Variants in LHFPL6 observed in about 807,000 individuals in gnomAD.
The protein encoded by LHFPL6 is LHFPL tetraspan subfamily member 6 protein.
A neutral mutation model predicts 20.6 loss-of-function variants in LHFPL6; 9 were observed. The observed-to-expected ratio is 0.44, with a 90% CI of 0.26 to 0.76. The LOEUF (loss-of-function observed/expected upper bound fraction) is 0.76, where lower values mean the gene tolerates loss of function less well. Among genes scored for constraint, LHFPL6 ranks in the 30% least tolerant of loss-of-function variants. The pLI is 0.20. For missense variants in LHFPL6, 218 were observed against 253.5 expected, an observed-to-expected ratio of 0.86 and a Z score of 0.95; for synonymous variants, 105 against 98.7, an observed-to-expected ratio of 1.06 and a Z score of -0.38.
At chr13:39,396,240 G>C (rs548843760) in intron 2 of LHFPL6, among the ~76,000 whole-genome samples, 90 of 152,180 alleles carry the variant, frequency 5.9e-4, no homozygotes, top group Non-Finnish European at 1.3e-4. Flanking sequence ...TGCTCTACCT[G>C]CTTTCTGATG....
chr13:39,423,995 C>T (rs536959472), intron 2 of LHFPL6, among the ~76,000 whole-genome samples: 2 of 152,174 alleles, frequency 1.3e-5, no homozygotes, highest in Non-Finnish European at 2.9e-5. Flanking sequence ...GCAGGAGCTA[C>T]AGTAAAGGCA....
intron 2 of LHFPL6, among the ~76,000 whole-genome samples, chr13:39,538,230 T>A (rs887609263): frequency 2.6e-5 from 4 of 151,668 alleles, no homozygotes; most frequent in Non-Finnish European, 4.4e-5. Context: ...CCTCAGGTGA[T>A]CTACCCACCT....
intron 2 of LHFPL6, among the ~76,000 whole-genome samples, chr13:39,485,293 A>G (rs1030020145): frequency 2.0e-5 from 3 of 152,214 alleles, no homozygotes; most frequent in African/African-American, 7.2e-5. Flanking sequence ...AGGCATTGTA[A>G]TACTTTCTGA....
At chr13:39,429,506 T>A (rs1279547484) in intron 2 of LHFPL6, among the ~76,000 whole-genome samples, 4 of 152,168 alleles carry the variant, frequency 2.6e-5, no homozygotes, top group African/African-American at 4.8e-5. Context: ...AAATTTAAAG[T>A]GCATTTCTTA....
chr13:39,444,765 G>T (rs1200145059), intron 2 of LHFPL6, among the ~76,000 whole-genome samples: 1 of 152,222 alleles, frequency 6.6e-6, no homozygotes, highest in African/African-American at 2.4e-5. Flanking sequence ...GTTACAGACA[G>T]TCGGGGGCTC....
Position 39,422,665 on chromosome 13 carries a change from T to C in LHFPL6, c.386-44139A>G, listed in dbSNP as rs185831693. Among the ~76,000 whole-genome samples the C allele has an allele frequency of 2.1e-4, 32 of 151,258 alleles. No individual in the cohort carries two copies. The East Asian group carries it at 6.0e-3, about 28-fold the overall frequency. ...CTACAAATTCCTTATAAAAATACAC[T>C]CTTTTATCTGGAAAGTTCTCATGAC... On this transcript the variant is annotated intron_variant, in intron 2 of 3. Coordinates refer to ENST00000379589, the MANE Select transcript of LHFPL6 (RefSeq NM_005780.3).
At chr13:39,534,749 G>T (rs1017120762) in intron 2 of LHFPL6, among the ~76,000 whole-genome samples, 1 of 152,112 alleles carries the variant, frequency 6.6e-6, no homozygotes, top group Non-Finnish European at 1.5e-5. Flanking sequence ...ACCCTTTTAT[G>T]CCTTTATAAT....
chr13:39,506,609 G>T (rs1454925361), intron 2 of LHFPL6, among the ~76,000 whole-genome samples: 2 of 152,044 alleles, frequency 1.3e-5, no homozygotes, highest in Non-Finnish European at 2.9e-5. Flanking sequence ...CCGCCACTCA[G>T]CAGCTTAATC....
intron 2 of LHFPL6, among the ~76,000 whole-genome samples, chr13:39,573,926 T>C (rs1872016418): frequency 6.6e-6 from 1 of 152,206 alleles, no homozygotes; most frequent in South Asian, 2.1e-4. Flanking sequence ...CAGGTTTACA[T>C]ACGGGTCCAA....
chr13:39,489,854 C>G (rs559106981), intron 2 of LHFPL6, among the ~76,000 whole-genome samples: 1 of 152,164 alleles, frequency 6.6e-6, no homozygotes, highest in Admixed American at 6.5e-5. Flanking sequence ...CATGCCTGGC[C>G]TGGCTTTTTG....
chr13:39,556,150 A>G (rs1871298508), intron 2 of LHFPL6, among the ~76,000 whole-genome samples: 3 of 152,142 alleles, frequency 2.0e-5, no homozygotes, highest in South Asian at 2.1e-4. Context: ...GAGTCAATAA[A>G]ACGTCTTTAT....
chr13:39,358,400 A>C (rs577384994), intron 3 of LHFPL6, among the ~76,000 whole-genome samples: 40 of 152,292 alleles, frequency 2.6e-4, no homozygotes, highest in Admixed American at 2.6e-3. Flanking sequence ...TTAACTCGAG[A>C]GATTAAAGAT....
intron 2 of LHFPL6, among the ~76,000 whole-genome samples, chr13:39,497,616 A>G (rs1044653973): frequency 6.6e-6 from 1 of 152,224 alleles, no homozygotes; most frequent in Admixed American, 6.5e-5. Flanking sequence ...TATGGGCAAA[A>G]TTAATTTGGA....
chr13:39,437,078 G>T (rs1035438299), intron 2 of LHFPL6, among the ~76,000 whole-genome samples: 2 of 152,200 alleles, frequency 1.3e-5, no homozygotes, highest in Non-Finnish European at 2.9e-5. Flanking sequence ...CTGGTAGATG[G>T]TAAGTGCTCA....
intron 2 of LHFPL6, among the ~76,000 whole-genome samples, chr13:39,413,624 T>G (rs1352840761): frequency 6.6e-6 from 1 of 151,238 alleles, no homozygotes; most frequent in Non-Finnish European, 1.5e-5. Context: ...TTTAAATGAA[T>G]TTTTCTGTTG....
At position 39,512,601 on chromosome 13, in the gene LHFPL6, C is replaced by CAAA. The variant is rs565183661; in HGVS notation, c.385+88228_385+88230dup. Among the ~76,000 whole-genome samples the CAAA allele has an allele frequency of 2.7e-3, 293 of 109,586 alleles. 6 individuals carry two copies. Among genetic ancestry groups the CAAA allele is most frequent in the African/African-American group, 0.011 (271 of 24,656 alleles). 71.9% of individuals were successfully genotyped at this position (109,586 alleles called of 152,430 possible). A position where few individuals can be genotyped will look rare whatever the true frequency, so the allele number is the denominator to read the frequency against. On this transcript the variant is annotated intron_variant, in intron 2 of 3. Coordinates refer to ENST00000379589, the MANE Select transcript of LHFPL6 (RefSeq NM_005780.3). ...TGGGCAACAGAGCGAGCCTCCGTCT[C>CAAA]AAAAAAAAAAAAAAGAAAAGAAAAA...
chr13:39,459,229 T>TGTTC (rs1351631658), intron 2 of LHFPL6, among the ~76,000 whole-genome samples: 4 of 150,520 alleles, frequency 2.7e-5, no homozygotes, highest in Non-Finnish European at 4.4e-5. Flanking sequence ...TGTGTGTGTG[T>TGTTC]GTGTGTGTGT....
chr13:39,537,466 A>G (rs1246457310), intron 2 of LHFPL6, among the ~76,000 whole-genome samples: 1 of 152,208 alleles, frequency 6.6e-6, no homozygotes, highest in Admixed American at 6.5e-5. Flanking sequence ...CATGCCAGGG[A>G]AGTAGACTAC....
Position 39,458,660 on chromosome 13 carries a change from A to C in LHFPL6, c.386-80134T>G, listed in dbSNP as rs1383063086. Among the ~76,000 whole-genome samples, 5 of 149,760 alleles carry C rather than the reference A, an allele frequency of 3.3e-5. No individual in the cohort carries two copies. The East Asian group carries it at 1.0e-3, about 30-fold the overall frequency. On this transcript the variant is annotated intron_variant, in intron 2 of 3. Coordinates refer to ENST00000379589, the MANE Select transcript of LHFPL6 (RefSeq NM_005780.3). ...CAGTGAGCCGTGATTGTGCCACTGC[A>C]CTCCAGCCTGGGCAATACAGCAATA...
Sources: gnomAD v4.1 joint callset for allele counts (sites outside exome capture counted in the v4.1 genomes callset) on GRCh38, gnomAD v4.1.1 for gene constraint, MANE v1.5 for transcripts, NCBI Gene and HGNC (gene_info 2026-07-23, HGNC 2026-07-21) for gene names.